MYO5C: variants seen among roughly 807,000 people sequenced by gnomAD.
The protein encoded by MYO5C is unconventional myosin-Vc.
A neutral mutation model predicts 235.7 loss-of-function variants in MYO5C; 194 were observed. The observed-to-expected ratio is 0.82, with a 90% CI of 0.73 to 0.93. The LOEUF (loss-of-function observed/expected upper bound fraction) is 0.93, where lower values mean the gene tolerates loss of function less well. MYO5C is among the 40% of genes least tolerant of loss of function. The pLI is 0.00. For missense variants in MYO5C, 2,038 were observed against 2,127.2 expected, an observed-to-expected ratio of 0.96 and a Z score of 0.82; for synonymous variants, 707 against 754.8, an observed-to-expected ratio of 0.94 and a Z score of 1.04.
At chr15:52,289,955 G>A (rs1025359833) in intron 1 of MYO5C, among the ~76,000 whole-genome samples, 2 of 152,030 alleles carry the variant, frequency 1.3e-5, no homozygotes, top group Admixed American at 6.5e-5. Context: ...TTCCACCCTA[G>A]CCCCACCCAT....
rs535023626 is a variant in MYO5C at position 52,229,732 on chromosome 15, A to T, written c.3027-419T>A. 7.0e-4 allele frequency among the ~76,000 whole-genome samples: 107 copies of T among 152,372 alleles called. 3 individuals are homozygous for T. In the South Asian group the frequency reaches 0.022, roughly 31 times the overall value. ...AACAAGAGGAGACAAGTTAATTAGAACCTACTGTGACAGTTCCAGCAGGTA... is the reference window on the plus strand; with the variant it reads ...AACAAGAGGAGACAAGTTAATTAGATCCTACTGTGACAGTTCCAGCAGGTA... On this transcript the variant is annotated intron_variant, in intron 24 of 40. Coordinates refer to ENST00000261839, the MANE Select transcript of MYO5C (RefSeq NM_018728.4).
intron 3 of MYO5C, 124 bp from the exon 4 acceptor site, chr15:52,279,141 A>C: frequency 1.0e-6 from 1 of 978,094 alleles, no homozygotes; most frequent in Non-Finnish European, 1.5e-6. Context: ...TGGGCAAGTC[A>C]CTTCACGCAC....
At chr15:52,248,032 C>T (rs1401605788) in intron 14 of MYO5C, among the ~76,000 whole-genome samples, 1 of 152,190 alleles carries the variant, frequency 6.6e-6, no homozygotes, top group Admixed American at 6.5e-5. Context: ...TTCTCTGAAC[C>T]GTCTTCATCT....
chr15:52,245,704 C>T (rs913310175), intron 17 of MYO5C, among the ~76,000 whole-genome samples: 16 of 152,194 alleles, frequency 1.1e-4, no homozygotes, highest in African/African-American at 9.6e-5. Context: ...CCCTAGTACA[C>T]GGGGGAGGCG....
At chr15:52,222,507 C>T (rs950337856) in intron 29 of MYO5C, among the ~76,000 whole-genome samples, 2 of 151,960 alleles carry the variant, frequency 1.3e-5, no homozygotes, top group Non-Finnish European at 2.9e-5. Flanking sequence ...GCAGAGAGGG[C>T]AAGATTAGCA....
chr15:52,265,795 T>C (rs2036796563), intron 8 of MYO5C, among the ~76,000 whole-genome samples: 1 of 152,138 alleles, frequency 6.6e-6, no homozygotes, highest in African/African-American at 2.4e-5. Context: ...CCTCCCAAAG[T>C]GCTGCGATTA....
chr15:52,209,939 C>A (rs1286596072), intron 35 of MYO5C, among the ~76,000 whole-genome samples: 1 of 152,056 alleles, frequency 6.6e-6, no homozygotes, highest in East Asian at 1.9e-4. Context: ...ATATTTCTTT[C>A]TTCCTAGAGT....
At position 52,193,802 on chromosome 15, in the gene MYO5C, A is replaced by C; in HGVS notation, c.*100T>G. On this transcript the variant is annotated 3_prime_UTR_variant, in exon 41 of 41. Transcript: ENST00000261839. ...TTGAGAAAAGTCTGTTTTCTTCCTT[A>C]AATCACATTCCAATTTCCACTGCCA... The C allele has an allele frequency of 1.5e-6, 2 of 1,328,946 alleles. No homozygotes were observed. The highest frequency in any genetic ancestry group is 2.1e-6 in the Non-Finnish European group (2 of 960,742). The allele number at this position is 1,328,946 out of a possible 1,614,324, so 82.3% of individuals were successfully genotyped here. A position where few individuals can be genotyped will look rare whatever the true frequency, so the allele number is the denominator to read the frequency against.
chr15:52,281,875 A>G (rs1179071495), intron 2 of MYO5C, among the ~76,000 whole-genome samples: 1 of 152,110 alleles, frequency 6.6e-6, no homozygotes, highest in African/African-American at 2.4e-5. Context: ...ATTAATCCTC[A>G]CATGATGTTC....
intron 2 of MYO5C, among the ~76,000 whole-genome samples, chr15:52,280,236 G>T (rs1226116382): frequency 1.3e-5 from 2 of 152,204 alleles, no homozygotes; most frequent in Non-Finnish European, 2.9e-5. Context: ...TCCGTGAAAG[G>T]CCCCTGGTGC....
rs1398003313 is a variant in MYO5C at position 52,196,304 on chromosome 15, G to C, written c.4995+5C>G. On this transcript the variant is annotated splice_donor_5th_base_variant and intron_variant, in intron 39 of 40. Coordinates refer to ENST00000261839, the MANE Select transcript of MYO5C (RefSeq NM_018728.4). ...GCCAGGGAGACACTAAGCAAGCCTG[G>C]TCACCTGCACAGCAGACAGTGAGGT... The C allele has an allele frequency of 6.3e-7, 1 of 1,599,730 alleles. No homozygotes were observed. Among genetic ancestry groups the C allele is most frequent in the East Asian group, 2.2e-5 (1 of 44,828 alleles).
intron 25 of MYO5C, 26 bp downstream of exon 25, chr15:52,229,107 G>A (rs367829323): frequency 7.4e-6 from 12 of 1,612,278 alleles, no homozygotes; most frequent in African/African-American, 6.7e-5. Context: ...ACCAGAGGGC[G>A]GGGCTGAACG....
chr15:52,262,501 G>C (rs532769027), intron 9 of MYO5C, among the ~76,000 whole-genome samples: 5 of 152,278 alleles, frequency 3.3e-5, no homozygotes, highest in Admixed American at 3.3e-4. Flanking sequence ...AACAGAGGGG[G>C]ATCTGCCACT....
intron 1 of MYO5C, among the ~76,000 whole-genome samples, chr15:52,283,176 T>A (rs891909237): frequency 2.0e-5 from 3 of 152,096 alleles, no homozygotes; most frequent in African/African-American, 7.2e-5. Context: ...AATGGAAACA[T>A]CTCACGGCTG....
intron 1 of MYO5C, 27 bp from the exon 2 acceptor site, chr15:52,282,919 A>C (rs1174020974): frequency 6.8e-7 from 1 of 1,469,618 alleles, no homozygotes; most frequent in Non-Finnish European, 9.5e-7. Context: ...GAAAAGCTGA[A>C]TTTCAGGACT....
Position 52,208,544 on chromosome 15 carries a change from C to T in MYO5C, c.4386+10G>A, listed in dbSNP as rs763929881. Reference sequence around the variant, plus strand: ...CAGCACAAAACAACAAGCAGGTGGGCGCCCCCTACCTCTTCTCCGCTGTAC... The same window carrying T: ...CAGCACAAAACAACAAGCAGGTGGGTGCCCCCTACCTCTTCTCCGCTGTAC... On this transcript the variant is annotated intron_variant, in intron 36 of 40. Coordinates refer to ENST00000261839, the MANE Select transcript of MYO5C (RefSeq NM_018728.4). 2.5e-6 allele frequency: 4 copies of T among 1,612,552 alleles called. No individual in the cohort carries two copies. Among genetic ancestry groups the T allele is most frequent in the East Asian group, 2.2e-5 (1 of 44,862 alleles).
intron 38 of MYO5C, among the ~76,000 whole-genome samples, chr15:52,202,760 G>C (rs2035216876): frequency 6.6e-6 from 1 of 152,014 alleles, no homozygotes; most frequent in African/African-American, 2.4e-5. Flanking sequence ...AGAATTTGTG[G>C]GAATGGTCTA....
At chr15:52,288,677 G>T (rs116602893) in intron 1 of MYO5C, among the ~76,000 whole-genome samples, 1 of 152,340 alleles carries the variant, frequency 6.6e-6, no homozygotes, top group Non-Finnish European at 1.5e-5. Context: ...GATGCAGTCC[G>T]CAGTTCATGC....
intron 14 of MYO5C, among the ~76,000 whole-genome samples, chr15:52,248,221 C>T (rs1253819589): frequency 6.6e-6 from 1 of 152,184 alleles, no homozygotes; most frequent in African/African-American, 2.4e-5. Context: ...TGGCTCACTG[C>T]AGCCTCTATC....
Sources: gnomAD v4.1 joint callset for allele counts (sites outside exome capture counted in the v4.1 genomes callset) on GRCh38, gnomAD v4.1.1 for gene constraint, MANE v1.5 for transcripts, NCBI Gene and HGNC (gene_info 2026-07-23, HGNC 2026-07-21) for gene names.